Variants in HMGN5 observed in about 807,000 individuals in gnomAD.
HMGN5 encodes high mobility group nucleosome binding domain 5, also known as high mobility group nucleosome-binding domain-containing protein 5.
HMGN5 carries 4 observed loss-of-function variants against 9.5 expected under a neutral mutation model. The ratio of observed to expected loss-of-function variants is 0.42; its 90% confidence interval spans 0.21 to 0.96. The LOEUF (loss-of-function observed/expected upper bound fraction) is 0.96, where lower values mean the gene tolerates loss of function less well. HMGN5 is among the 40% of genes least tolerant of loss of function. The probability of loss-of-function intolerance (pLI) is 0.30; values close to 1 mark genes in which losing one functional copy is unlikely to be tolerated. For synonymous variants in HMGN5, 55 were observed against 57.1 expected (o/e 0.96, Z 0.16); for missense variants, 192 against 187.5 (o/e 1.02, Z -0.14).
At chrX:81,118,832 A>C (rs1044631262) in intron 3 of HMGN5, 73 bp from the exon 4 acceptor site, 3 of 700,997 alleles carry the variant, frequency 4.3e-6, no homozygotes, top group Non-Finnish European at 6.5e-6. Flanking sequence ...TATTGAGGTC[A>C]AAATATTTGG....
chrX:81,117,260 G>GTT (rs72026372), intron 5 of HMGN5, among the ~76,000 whole-genome samples: 12,262 of 79,702 alleles, frequency 0.15, 1,372 homozygotes, highest in East Asian at 0.69. Context: ...TTTTTTTTCC[G>GTT]TTTTTTTTTT....
At chrX:81,157,322 G>A (rs890667422) in intron 1 of HMGN5, among the ~76,000 whole-genome samples, 1 of 111,997 alleles carries the variant, frequency 8.9e-6, no homozygotes, top group African/African-American at 3.2e-5. Flanking sequence ...TTCTGCTAGT[G>A]TATTTACTCA....
chrX:81,170,068 A>C (rs2075421569), intron 1 of HMGN5, among the ~76,000 whole-genome samples: 1 of 108,137 alleles, frequency 9.2e-6, no homozygotes, highest in East Asian at 2.9e-4. Flanking sequence ...AAAAAAAAAA[A>C]AAAAACCATG....
chrX:81,180,751 G>A (rs1196081557), intron 1 of HMGN5, among the ~76,000 whole-genome samples: 1 of 111,546 alleles, frequency 9.0e-6, no homozygotes, highest in African/African-American at 3.3e-5. Context: ...ACATGCACAC[G>A]TATGTTTATT....
At chrX:81,149,451 A>T (rs1602567215) in intron 1 of HMGN5, among the ~76,000 whole-genome samples, 1 of 111,654 alleles carries the variant, frequency 9.0e-6, no homozygotes, top group Non-Finnish European at 1.9e-5. Context: ...GAGGAGCATC[A>T]CACACTAGGC....
chrX:81,187,590 C>T (rs1349018994), intron 1 of HMGN5, among the ~76,000 whole-genome samples: 1 of 111,125 alleles, frequency 9.0e-6, no homozygotes, highest in African/African-American at 3.3e-5. Context: ...TCCATGTGCA[C>T]CTTTGTAGGG....
chrX:81,175,636 C>A (rs748727627), intron 1 of HMGN5, among the ~76,000 whole-genome samples: 12 of 110,858 alleles, frequency 1.1e-4, no homozygotes, highest in Non-Finnish European at 1.5e-4. Context: ...GGCTCCTCAG[C>A]CGCATGCCAA....
intron 1 of HMGN5, among the ~76,000 whole-genome samples, chrX:81,158,145 G>C (rs2075388398): frequency 8.9e-6 from 1 of 111,877 alleles, no homozygotes; most frequent in South Asian, 3.7e-4. Context: ...GTCCTGAGAT[G>C]TATGAGTAAG....
intron 1 of HMGN5, among the ~76,000 whole-genome samples, chrX:81,155,035 C>G (rs1172061180): frequency 1.0e-5 from 1 of 98,350 alleles, no homozygotes; most frequent in Admixed American, 1.2e-4. Flanking sequence ...AATCCCACTG[C>G]CGGGTATATG....
chrX:81,119,779 G>A lies in HMGN5; in HGVS notation c.45+9C>T. On this transcript the variant is annotated intron_variant, in intron 3 of 6. Transcript: ENST00000358130. ...TTTCCTAATAGATGCTAAGACTAAA[G>A]AAACTCACCTCCTGCCTCATATCAC... 8.3e-7 allele frequency: 1 copy of A among 1,201,304 alleles called. No individual in the cohort carries two copies. Among genetic ancestry groups the A allele is most frequent in the Non-Finnish European group, 1.1e-6 (1 of 886,377 alleles).
At position 81,175,821 on chromosome X, in the gene HMGN5, C is replaced by A. The variant is rs376817459; in HGVS notation, c.-124+25916G>T. Among the ~76,000 whole-genome samples, 12 of 111,826 alleles carry A rather than the reference C, an allele frequency of 1.1e-4. No individual in the cohort carries two copies. In the East Asian group the frequency reaches 2.0e-3, roughly 19 times the overall value. ...TGAGGCCTCTCCCAGCTACATGGAA[C>A]TATGGCCGAATAGGAACAGCTCCAG... On this transcript the variant is annotated intron_variant, in intron 1 of 6. Transcript: ENST00000358130.
chrX:81,140,966 C>A (rs1384606333), intron 1 of HMGN5, among the ~76,000 whole-genome samples: 1 of 111,159 alleles, frequency 9.0e-6, no homozygotes, highest in Non-Finnish European at 1.9e-5. Context: ...AGGCAGCATT[C>A]ATCACAAGCT....
chrX:81,152,234 CAA>C (rs2075365262), intron 1 of HMGN5, among the ~76,000 whole-genome samples: 1 of 111,566 alleles, frequency 9.0e-6, no homozygotes, highest in African/African-American at 3.3e-5. Context: ...AAAATTTTCA[CAA>C]CCGACTCATC....
intron 1 of HMGN5, among the ~76,000 whole-genome samples, chrX:81,170,043 G>C (rs1033378288): frequency 1.2e-5 from 1 of 85,163 alleles, no homozygotes; most frequent in Non-Finnish European, 2.2e-5. Context: ...GACAGAGTGA[G>C]ACCCCGTCTC....
intron 1 of HMGN5, among the ~76,000 whole-genome samples, chrX:81,145,883 C>G (rs775322443): frequency 9.0e-6 from 1 of 110,969 alleles, no homozygotes; most frequent in African/African-American, 3.3e-5. Flanking sequence ...TTTAAATCAA[C>G]AAAGATCAAA....
intron 1 of HMGN5, among the ~76,000 whole-genome samples, chrX:81,170,442 A>G (rs2075423216): frequency 8.9e-6 from 1 of 111,965 alleles, no homozygotes; most frequent in African/African-American, 3.2e-5. Context: ...AAAATCAATT[A>G]TGGTTATATT....
At chrX:81,119,623 C>T (rs891927263) in intron 3 of HMGN5, among the ~76,000 whole-genome samples, 165 bp downstream of exon 3, 8 of 112,287 alleles carry the variant, frequency 7.1e-5, no homozygotes, top group African/African-American at 9.7e-5. Flanking sequence ...AAAAAGTCCT[C>T]TCTTCTGAAA....
chrX:81,189,056 G>A (rs773452923), intron 1 of HMGN5, among the ~76,000 whole-genome samples: 10 of 111,779 alleles, frequency 8.9e-5, no homozygotes, highest in South Asian at 7.5e-4. Flanking sequence ...GACAGGTCTG[G>A]TGTTAATGAA....
At chrX:81,200,650 T>C (rs1363592797) in intron 1 of HMGN5, among the ~76,000 whole-genome samples, 1 of 111,271 alleles carries the variant, frequency 9.0e-6, no homozygotes, top group Non-Finnish European at 1.9e-5. Context: ...ATGTGGGAGT[T>C]GAACAATGAG....
Sources: allele counts gnomAD v4.1 joint callset (sites outside exome capture counted in the v4.1 genomes callset), GRCh38; gene constraint gnomAD v4.1.1; transcripts MANE v1.5; gene names NCBI Gene and HGNC (gene_info 2026-07-23, HGNC 2026-07-21).